The following HS2ST1 variants were observed in gnomAD, a reference collection of about 807,000 sequenced individuals.
The protein encoded by HS2ST1 is heparan sulfate 2-O-sulfotransferase 1.
Under a neutral mutation model 42.9 loss-of-function variants are expected in HS2ST1, and 18 were observed. That is an observed-to-expected ratio of 0.42 (90% CI 0.29 to 0.62). The LOEUF is 0.62. Among genes scored for constraint, HS2ST1 ranks in the 20% least tolerant of loss-of-function variants. HS2ST1 has a pLI of 0.21. For synonymous variants in HS2ST1, 146 were observed against 152.9 expected, an observed-to-expected ratio of 0.95 and a Z score of 0.33; for missense variants, 334 against 433.8, an observed-to-expected ratio of 0.77 and a Z score of 2.04.
chr1:87,020,393 TA>T (rs1207099342), intron 1 of HS2ST1, among the ~76,000 whole-genome samples: 1 of 152,240 alleles, frequency 6.6e-6, no homozygotes, highest in East Asian at 1.9e-4. Context: ...TTATGCTTCC[TA>T]TTCTAGTACA....
At chr1:86,923,847 A>C (rs1342177222) in intron 1 of HS2ST1, among the ~76,000 whole-genome samples, 1 of 152,214 alleles carries the variant, frequency 6.6e-6, no homozygotes, top group Non-Finnish European at 1.5e-5. Flanking sequence ...GTGTGGGGAC[A>C]CAGCCAATCC....
At chr1:86,943,878 T>G (rs925112307) in intron 1 of HS2ST1, among the ~76,000 whole-genome samples, 2 of 151,916 alleles carry the variant, frequency 1.3e-5, no homozygotes, top group African/African-American at 4.8e-5. Flanking sequence ...ATGCAAAAAT[T>G]AGCTGGGCAT....
chr1:86,943,796 C>T (rs1399988742), intron 1 of HS2ST1, among the ~76,000 whole-genome samples: 5 of 151,984 alleles, frequency 3.3e-5, no homozygotes, highest in Admixed American at 1.3e-4. Context: ...GTGGCTGAGG[C>T]AGGTGGATTA....
chr1:87,096,043 A>G (rs936782022), intron 4 of HS2ST1, among the ~76,000 whole-genome samples: 1 of 146,700 alleles, frequency 6.8e-6, no homozygotes, highest in African/African-American at 2.5e-5. Flanking sequence ...GCTGATTTTC[A>G]TATTTGCTCC....
chr1:87,055,872 T>A (rs1650956303), intron 1 of HS2ST1, among the ~76,000 whole-genome samples: 1 of 152,202 alleles, frequency 6.6e-6, no homozygotes, highest in Non-Finnish European at 1.5e-5. Context: ...AAGCAATAAC[T>A]TTATTAAATA....
At chr1:86,934,305 C>T (rs1462457020) in intron 1 of HS2ST1, 1 of 152,146 alleles carries the variant, frequency 6.6e-6, no homozygotes, top group African/African-American at 2.4e-5. Context: ...TATTTTTTCT[C>T]TCCTATTGGA....
chr1:87,015,311 G>T (rs1292167680), intron 1 of HS2ST1, among the ~76,000 whole-genome samples: 3 of 150,776 alleles, frequency 2.0e-5, no homozygotes, highest in Non-Finnish European at 2.9e-5. Flanking sequence ...CTCCCAAAGT[G>T]CTGGGATTAC....
intron 1 of HS2ST1, among the ~76,000 whole-genome samples, chr1:86,985,537 T>C (rs1648755491): frequency 3.3e-5 from 1 of 29,954 alleles, no homozygotes; most frequent in African/African-American, 7.3e-5. Context: ...TATACATATA[T>C]ATACACACAT....
chr1:86,969,637 A>T (rs1168344329), intron 1 of HS2ST1, among the ~76,000 whole-genome samples: 1 of 152,076 alleles, frequency 6.6e-6, no homozygotes, highest in East Asian at 1.9e-4. Context: ...AACAATTTGG[A>T]GTTGGCTTTT....
intron 1 of HS2ST1, among the ~76,000 whole-genome samples, chr1:87,072,663 T>C (rs1570529611): frequency 1.3e-5 from 2 of 152,212 alleles, no homozygotes; most frequent in East Asian, 1.9e-4. Flanking sequence ...TAAGGAATTC[T>C]GAAGCTTTGG....
intron 2 of HS2ST1, among the ~76,000 whole-genome samples, chr1:87,076,402 G>C (rs1489806392): frequency 2.6e-5 from 4 of 152,144 alleles, no homozygotes; most frequent in Non-Finnish European, 4.4e-5. Context: ...TGCATACATA[G>C]AGAAAAAAGA....
intron 1 of HS2ST1, among the ~76,000 whole-genome samples, chr1:86,981,864 C>T (rs979190961): frequency 6.6e-6 from 1 of 152,210 alleles, no homozygotes; most frequent in Non-Finnish European, 1.5e-5. Flanking sequence ...AGGCAGTGCC[C>T]CAGTGGGGAC....
rs916138359 is a variant in HS2ST1, at chr1:86,930,643, A to T, written c.124+15483A>T. ...ATTGCATTGGAAAAGTGGGCTTTTT[A>T]AAAAAATTTAACCAATGTCATATGA... On this transcript the variant is annotated intron_variant, in intron 1 of 6. Coordinates refer to ENST00000370550, the MANE Select transcript of HS2ST1 (RefSeq NM_012262.4). Among the ~76,000 whole-genome samples the T allele has an allele frequency of 2.6e-5, 4 of 151,902 alleles. No homozygotes were observed. The East Asian group carries it at 7.7e-4, about 29-fold the overall frequency.
chr1:87,027,054 C>A (rs1282338295), intron 1 of HS2ST1, among the ~76,000 whole-genome samples: 1 of 152,040 alleles, frequency 6.6e-6, no homozygotes, highest in Non-Finnish European at 1.5e-5. Flanking sequence ...TTTTAACTAC[C>A]TGAAAATATG....
intron 1 of HS2ST1, among the ~76,000 whole-genome samples, chr1:87,042,574 A>G (rs1043375741): frequency 6.6e-6 from 1 of 152,080 alleles, no homozygotes; most frequent in African/African-American, 2.4e-5. Flanking sequence ...TTTTTTGGAT[A>G]GATATACCTT....
chr1:86,952,950 C>T (rs1647568299), intron 1 of HS2ST1, among the ~76,000 whole-genome samples: 1 of 152,158 alleles, frequency 6.6e-6, no homozygotes, highest in Admixed American at 6.5e-5. Flanking sequence ...CAGGCATTGA[C>T]TTCTCTATAG....
intron 1 of HS2ST1, chr1:87,045,784 T>C: frequency 1.1e-6 from 1 of 899,480 alleles, no homozygotes; most frequent in Non-Finnish European, 1.9e-6. Context: ...GTAGCAGAGG[T>C]AACAAAATCC....
At chr1:86,968,149 C>T (rs1007198061) in intron 1 of HS2ST1, among the ~76,000 whole-genome samples, 2 of 152,076 alleles carry the variant, frequency 1.3e-5, no homozygotes, top group African/African-American at 4.8e-5. Context: ...TTTCTTCTTA[C>T]TGATTTCTTT....
At chr1:87,092,695 A>G (rs765563211) in intron 4 of HS2ST1, 26 bp downstream of exon 4, 3 of 1,463,810 alleles carry the variant, frequency 2.0e-6, no homozygotes, top group Non-Finnish European at 2.7e-6. Context: ...TAAGATTTTT[A>G]TAAAGATAAT....
Sources: allele counts gnomAD v4.1 joint callset (sites outside exome capture counted in the v4.1 genomes callset), GRCh38; gene constraint gnomAD v4.1.1; transcripts MANE v1.5; gene names NCBI Gene and HGNC (gene_info 2026-07-23, HGNC 2026-07-21).